The following TMEM53 variants were observed in gnomAD, a reference collection of about 807,000 sequenced individuals.
TMEM53 encodes the protein novel DUF829 domain-containing protein.
A neutral mutation model predicts 21.4 loss-of-function variants in TMEM53; 14 were observed. The observed-to-expected ratio is 0.65, with a 90% confidence interval of 0.43 to 1.02. The LOEUF is 1.02. Among genes scored for constraint, TMEM53 ranks in the 50% least tolerant of loss-of-function variants. The probability of loss-of-function intolerance (pLI) is 0.00; values close to 1 mark genes in which losing one functional copy is unlikely to be tolerated. For synonymous variants in TMEM53, 148 were observed against 157.4 expected (o/e 0.94, Z 0.45); for missense variants, 323 against 383.6 (o/e 0.84, Z 1.32).
In TMEM53 at chr1:44,655,270, G is replaced by A. The variant is rs1310786346; in HGVS notation, c.184-61C>T. The A allele has an allele frequency of 2.7e-6, 4 of 1,497,896 alleles. No individual in the cohort carries two copies. In the East Asian group the frequency reaches 6.8e-5, roughly 26 times the overall value. 92.8% of individuals were successfully genotyped at this position (1,497,896 alleles called of 1,614,324 possible). On this transcript the variant is annotated intron_variant, in intron 2 of 2. Transcript: ENST00000372237. The surrounding 1 kb of genome is among the most constrained non-coding windows in gnomAD (Gnocchi z 4.4). ...GGTGGGGGTAGTGGGTACAAGCTAA[G>A]GTCAGAGGGGCCCAGCAACCCCAGC...
At chr1:44,669,266 A>G (rs80047957) in intron 1 of TMEM53, among the ~76,000 whole-genome samples, 3,479 of 152,280 alleles carry the variant, frequency 0.023, 139 homozygotes, top group African/African-American at 0.081. Context: ...TTTCTACACC[A>G]TTATTTTTAG....
chr1:44,655,223 C>A lies in TMEM53; in HGVS notation c.184-14G>T. ...TACGATGCAGCCCTGGGGAGAGAGG[C>A]CTGGTCAGTCCTCACAGATGAGGTG... is the stretch of plus-strand genomic sequence containing the variant. On this transcript the variant is annotated splice_polypyrimidine_tract_variant and intron_variant, in intron 2 of 2. Coordinates refer to ENST00000372237, the MANE Select transcript of TMEM53 (RefSeq NM_024587.4). This position sits in a 1 kb window ranked among gnomAD's most constrained non-coding sequence, Gnocchi z 4.4. 2 of 1,578,800 alleles carry A rather than the reference C, an allele frequency of 1.3e-6. No homozygotes were observed. Among genetic ancestry groups the A allele is most frequent in the Admixed American group, 1.8e-5 (1 of 56,350 alleles).
chr1:44,663,967 G>C (rs1280749768), intron 1 of TMEM53, among the ~76,000 whole-genome samples: 2 of 151,668 alleles, frequency 1.3e-5, no homozygotes, highest in Admixed American at 6.6e-5. Flanking sequence ...TCAAGACCAG[G>C]TTAGGCAACA....
rs1644828903 is a variant in TMEM53 at position 44,654,526 on chromosome 1, T to C, written c.*33A>G. ...GTTGTGGGGAGGTGTCAGGCATTTA[T>C]TTCTGGAGCAGAGGTGAGATGGAGC... On this transcript the variant is annotated 3_prime_UTR_variant, in exon 3 of 3. Transcript: ENST00000372237. This position sits in a 1 kb window ranked among gnomAD's most constrained non-coding sequence, Gnocchi z 7.0. 6.3e-7 allele frequency: 1 copy of C among 1,582,632 alleles called. No homozygotes were observed. The highest frequency in any genetic ancestry group is 1.1e-5 in the South Asian group (1 of 87,376).
chr1:44,666,731 G>C (rs750853824), intron 1 of TMEM53, among the ~76,000 whole-genome samples: 1 of 152,108 alleles, frequency 6.6e-6, no homozygotes, highest in Non-Finnish European at 1.5e-5. Context: ...AATGGAGAGT[G>C]ACTACTAACA....
Position 44,653,450 on chromosome 1 carries a change from C to T in TMEM53, c.*1109G>A, listed in dbSNP as rs990886054. 9.2e-5 allele frequency: 14 copies of T among 152,222 alleles called. No individual in the cohort carries two copies. The highest frequency in any genetic ancestry group is 3.4e-4 in the African/African-American group (14 of 41,428). 9.4% of individuals were successfully genotyped at this position (152,222 alleles called of 1,614,324 possible). A position where few individuals can be genotyped will look rare whatever the true frequency, so the allele number is the denominator to read the frequency against. On this transcript the variant is annotated 3_prime_UTR_variant, in exon 3 of 3. Coordinates refer to ENST00000372237, the MANE Select transcript of TMEM53 (RefSeq NM_024587.4). ...CTTACCCTGGTTCTGGTCTTTAGGGCTTGGGAGTTAGCTCATCCCAGCTCC... is the reference window on the plus strand; with the variant it reads ...CTTACCCTGGTTCTGGTCTTTAGGGTTTGGGAGTTAGCTCATCCCAGCTCC...
chr1:44,667,544 G>C (rs948287443), intron 1 of TMEM53, among the ~76,000 whole-genome samples: 1 of 151,672 alleles, frequency 6.6e-6, no homozygotes, highest in African/African-American at 2.4e-5. Flanking sequence ...CTGACTTCAG[G>C]TGATCTGCCC....
At chr1:44,672,925 G>C (rs987843737) in intron 1 of TMEM53, among the ~76,000 whole-genome samples, 37 of 152,216 alleles carry the variant, frequency 2.4e-4, no homozygotes, top group African/African-American at 8.9e-4. Context: ...CCATTTCACA[G>C]TGGAGGAATC....
At chr1:44,664,828 G>C (rs1644933660) in intron 1 of TMEM53, among the ~76,000 whole-genome samples, 2 of 152,084 alleles carry the variant, frequency 1.3e-5, no homozygotes, top group Admixed American at 1.3e-4. Context: ...TTTTACATAA[G>C]AGAAAACTAA....
chr1:44,670,601 A>C (rs981983971), intron 1 of TMEM53, among the ~76,000 whole-genome samples: 29 of 152,180 alleles, frequency 1.9e-4, no homozygotes, highest in African/African-American at 5.8e-4. Context: ...ACCCTTCAGC[A>C]CTGTCTCCTG....
intron 1 of TMEM53, among the ~76,000 whole-genome samples, chr1:44,671,744 T>C (rs1006283122): frequency 3.9e-5 from 6 of 152,112 alleles, no homozygotes; most frequent in Admixed American, 1.3e-4. Context: ...GCCTAACCAA[T>C]ATGGTGAAAC....
intron 1 of TMEM53, among the ~76,000 whole-genome samples, chr1:44,668,353 A>G (rs1231743463): frequency 6.6e-6 from 1 of 152,044 alleles, no homozygotes; most frequent in Non-Finnish European, 1.5e-5. Flanking sequence ...AGGCAAGAGA[A>G]TGGCGTGAAC....
chr1:44,661,205 C>T (rs1306196560), intron 1 of TMEM53, among the ~76,000 whole-genome samples: 3 of 152,056 alleles, frequency 2.0e-5, no homozygotes, highest in Admixed American at 6.5e-5. Flanking sequence ...TTTGCCAGCC[C>T]CTGTTCTAAT....
Position 44,660,239 on chromosome 1 carries a change from GA to G in TMEM53, c.117del (p.Leu40SerfsTer26). The G allele has an allele frequency of 6.2e-7, 1 of 1,614,106 alleles. No homozygotes were observed. Among genetic ancestry groups the G allele is most frequent in the Non-Finnish European group, 8.5e-7 (1 of 1,180,000 alleles). The part of the protein sequence containing the change: ...KEAETRQPVV[I>X]LLGWGGCKDK... Reference sequence around the variant, plus strand: ...TCCTTGCAGCCACCCCAGCCCAAGAGAATCACCACAGGCTGCCGAGTTTCTG... The same window carrying G: ...TCCTTGCAGCCACCCCAGCCCAAGAGATCACCACAGGCTGCCGAGTTTCTG... On this transcript the variant is annotated frameshift_variant, in exon 2 of 3. Coordinates refer to ENST00000372237, the MANE Select transcript of TMEM53 (RefSeq NM_024587.4). LOFTEE classifies it high-confidence loss of function.
intron 2 of TMEM53, among the ~76,000 whole-genome samples, chr1:44,657,713 A>AT (rs200332501): frequency 0.055 from 8,278 of 151,546 alleles, 309 homozygotes; most frequent in Non-Finnish European, 0.078. Context: ...AATTGTTTCA[A>AT]TTTTTTTTGT....
chr1:44,655,468 G>C lies in TMEM53; in HGVS notation c.184-259C>G, dbSNP rs1018732842. ...ATGCTGGCCAAGCCCTCTTGGCCTGGAGTGGTATTTGAGGCCCAGAGCCTG... is the reference window on the plus strand; with the variant it reads ...ATGCTGGCCAAGCCCTCTTGGCCTGCAGTGGTATTTGAGGCCCAGAGCCTG... On this transcript the variant is annotated intron_variant, in intron 2 of 2. Coordinates refer to ENST00000372237, the MANE Select transcript of TMEM53 (RefSeq NM_024587.4). This position sits in a 1 kb window ranked among gnomAD's most constrained non-coding sequence, Gnocchi z 4.4. Among the ~76,000 whole-genome samples, 1 of 152,188 alleles carries C rather than the reference G, an allele frequency of 6.6e-6. No individual in the cohort carries two copies. Among genetic ancestry groups the C allele is most frequent in the African/African-American group, 2.4e-5 (1 of 41,446 alleles).
chr1:44,673,699 G>A (rs1645041101), intron 1 of TMEM53: 2 of 330,456 alleles, frequency 6.1e-6, no homozygotes, highest in African/African-American at 2.2e-5. Context: ...ACAGCCCTAT[G>A]AGGAAGGTTA....
chr1:44,665,924 A>G (rs1644945246), intron 1 of TMEM53, among the ~76,000 whole-genome samples: 1 of 151,952 alleles, frequency 6.6e-6, no homozygotes, highest in South Asian at 2.1e-4. Context: ...ATCCAAAAAA[A>G]GTGAAAAAAA....
At chr1:44,663,822 T>A (rs567999182) in intron 1 of TMEM53, among the ~76,000 whole-genome samples, 2 of 152,298 alleles carry the variant, frequency 1.3e-5, no homozygotes, top group East Asian at 3.9e-4. Flanking sequence ...CAGCAAAAAG[T>A]GCTAACACAC....
Sources: allele counts gnomAD v4.1 joint callset (sites outside exome capture counted in the v4.1 genomes callset), GRCh38; gene constraint gnomAD v4.1.1; non-coding constraint Gnocchi (gnomAD v3.1); transcripts MANE v1.5; gene names NCBI Gene and HGNC (gene_info 2026-07-23, HGNC 2026-07-21).